NALCN: variants seen among roughly 807,000 people sequenced by gnomAD.
The protein encoded by NALCN is sodium leak channel, non-selective, also known as sodium leak channel NALCN.
Under a neutral mutation model 225.3 loss-of-function variants are expected in NALCN, and 111 were observed. That is an observed-to-expected ratio of 0.49 (90% CI 0.42 to 0.58). The LOEUF is 0.58. NALCN is among the 20% of genes least tolerant of loss of function. NALCN has a pLI of 0.00. For synonymous variants in NALCN, 764 were observed against 769.0 expected, an observed-to-expected ratio of 0.99 and a Z score of 0.11; for missense variants, 1,378 against 2,202.4, an observed-to-expected ratio of 0.63 and a Z score of 7.49.
At chr13:101,401,706 A>C (rs966249065) in intron 1 of NALCN, among the ~76,000 whole-genome samples, 2 of 152,204 alleles carry the variant, frequency 1.3e-5, no homozygotes, top group African/African-American at 4.8e-5. Flanking sequence ...ACTGAATGAC[A>C]TTAGCTGTCA....
chr13:101,104,763 C>A lies in NALCN; in HGVS notation c.2637-113G>T, dbSNP rs2035010195. ...AACATGACTGGTATTTTAAAAACAT[C>A]ATTCCCCAATCATCTATTTCATAGC... On this transcript the variant is annotated intron_variant, in intron 23 of 43. Transcript: ENST00000251127. The surrounding 1 kb of genome is among the most constrained non-coding windows in gnomAD (Gnocchi z 4.2). The A allele has an allele frequency of 9.7e-6, 15 of 1,553,332 alleles. No individual in the cohort carries two copies. Among genetic ancestry groups the A allele is most frequent in the Non-Finnish European group, 1.2e-5 (14 of 1,136,154 alleles).
intron 13 of NALCN, among the ~76,000 whole-genome samples, chr13:101,226,258 C>A (rs780613513): frequency 5.9e-5 from 9 of 152,108 alleles, no homozygotes; most frequent in Non-Finnish European, 1.3e-4. Context: ...TCCCCTCCAA[C>A]CAGACATCCC....
At chr13:101,062,193 A>AGAG in intron 40 of NALCN, 75 bp from the exon 41 acceptor site, 2 of 1,521,384 alleles carry the variant, frequency 1.3e-6, no homozygotes, top group Admixed American at 1.9e-5. Context: ...GTCAAAATCC[A>AGAG]GAGAGGACAT....
At chr13:101,387,995 C>T (rs1250343752) in intron 3 of NALCN, among the ~76,000 whole-genome samples, 1 of 152,000 alleles carries the variant, frequency 6.6e-6, no homozygotes, top group Non-Finnish European at 1.5e-5. Flanking sequence ...ATATCAAGCC[C>T]AATATACTCT....
intron 7 of NALCN, among the ~76,000 whole-genome samples, chr13:101,319,678 C>T (rs1188492895): frequency 1.3e-5 from 2 of 152,074 alleles, no homozygotes; most frequent in East Asian, 3.9e-4. Context: ...TTTAAATCAA[C>T]AAGTCATGTA....
chr13:101,292,003 G>A lies in NALCN; in HGVS notation c.1034C>T (p.Thr345Ile). 1.2e-6 allele frequency: 2 copies of A among 1,614,008 alleles called. No individual in the cohort carries two copies. Among genetic ancestry groups the A allele is most frequent in the Non-Finnish European group, 1.7e-6 (2 of 1,179,974 alleles). The change falls in exon 9 of 44, where the codon ACA becomes ATA. Residue 345 changes from threonine to isoleucine, a missense_variant. By Grantham distance (89) the Thr-to-Ile change is moderately conservative (BLOSUM62 -1). Transcript: ENST00000251127. The surrounding 1 kb of genome is among the most constrained non-coding windows in gnomAD (Gnocchi z 4.3). Reference protein sequence around the residue: ...MWGSRSSTTSTATTQMFHEDA... With the variant: ...MWGSRSSTTSIATTQMFHEDA... The stretch of plus-strand genomic sequence containing the variant: ...CTGATAGCGTACCTGGGTGGTGGCT[G>A]TTGAGGTAGTGCTGCTTCTCGATCC...
At chr13:101,147,160 C>T (rs1302527533) in intron 15 of NALCN, among the ~76,000 whole-genome samples, 2 of 152,150 alleles carry the variant, frequency 1.3e-5, no homozygotes, top group Admixed American at 1.3e-4. Context: ...GCCTCTAGGC[C>T]TGCCCACTGC....
chr13:101,059,670 T>G, intron 42 of NALCN, 148 bp downstream of exon 42: 2 of 704,064 alleles, frequency 2.8e-6, no homozygotes, highest in Non-Finnish European at 4.3e-6. Flanking sequence ...TGGATTTCCG[T>G]TGCCTTTTTT....
chr13:101,162,738 T>C (rs1417134439), intron 15 of NALCN, among the ~76,000 whole-genome samples: 1 of 152,228 alleles, frequency 6.6e-6, no homozygotes, highest in Non-Finnish European at 1.5e-5. Context: ...TTTTCAATGG[T>C]ACAGTGCAGT....
rs1566650625 is a variant in NALCN, at chr13:101,397,068, A to ATT, written c.109-1704_109-1703insAA. Among the ~76,000 whole-genome samples, 24 of 26,786 alleles carry ATT rather than the reference A, an allele frequency of 9.0e-4. No homozygotes were observed. In the South Asian group the frequency reaches 0.024, roughly 27 times the overall value. 17.6% of individuals were successfully genotyped at this position (26,786 alleles called of 152,430 possible). A position where few individuals can be genotyped will look rare whatever the true frequency, so the allele number is the denominator to read the frequency against. ...GAAGTAAAACACCTATGAATGTATTATATATATATATATATATATATATAT... is the reference window on the plus strand; with the variant it reads ...GAAGTAAAACACCTATGAATGTATTATTTATATATATATATATATATATATAT... On this transcript the variant is annotated intron_variant, in intron 2 of 43. Transcript: ENST00000251127.
chr13:101,195,476 C>T (rs1000480737), intron 13 of NALCN, among the ~76,000 whole-genome samples: 9 of 152,144 alleles, frequency 5.9e-5, no homozygotes, highest in African/African-American at 1.4e-4. Context: ...CATAAATTTA[C>T]CCATGGTTTT....
At chr13:101,110,521 G>A in intron 20 of NALCN, 98 bp downstream of exon 20, 1 of 1,280,512 alleles carries the variant, frequency 7.8e-7, no homozygotes, top group Non-Finnish European at 1.1e-6. Context: ...AGGAGACATG[G>A]GAATGCAGCA....
intron 12 of NALCN, among the ~76,000 whole-genome samples, chr13:101,231,951 T>C (rs181558025): frequency 6.6e-6 from 1 of 151,794 alleles, no homozygotes; most frequent in Admixed American, 6.6e-5. Context: ...ATCTGAGTCA[T>C]CCTCAGGGCT....
chr13:101,134,073 G>A (rs1239245399), intron 17 of NALCN, among the ~76,000 whole-genome samples: 1 of 152,166 alleles, frequency 6.6e-6, no homozygotes, highest in African/African-American at 2.4e-5. Flanking sequence ...GGGAGGCTGA[G>A]GCAGGAGAAT....
chr13:101,391,605 C>T (rs1474518201), intron 3 of NALCN, among the ~76,000 whole-genome samples: 1 of 151,862 alleles, frequency 6.6e-6, no homozygotes, highest in Non-Finnish European at 1.5e-5. Flanking sequence ...ATCTCTTGAT[C>T]CCAAGAGCTG....
chr13:101,265,786 C>A (rs951761427), intron 10 of NALCN, among the ~76,000 whole-genome samples: 1 of 152,100 alleles, frequency 6.6e-6, no homozygotes, highest in African/African-American at 2.4e-5. Context: ...ACATCTTAGA[C>A]ATTGTGAGCC....
At chr13:101,402,928 T>C (rs1566657294) in intron 1 of NALCN, among the ~76,000 whole-genome samples, 2 of 152,222 alleles carry the variant, frequency 1.3e-5, no homozygotes, top group African/African-American at 4.8e-5. Context: ...CAGCAGTGGA[T>C]TGTTTTCTTG....
At chr13:101,313,883 T>A (rs1235638111) in intron 7 of NALCN, among the ~76,000 whole-genome samples, 4 of 152,048 alleles carry the variant, frequency 2.6e-5, no homozygotes, top group African/African-American at 9.7e-5. Flanking sequence ...GTGGCACTAT[T>A]CACAATAGCA....
intron 17 of NALCN, among the ~76,000 whole-genome samples, chr13:101,133,474 G>A (rs956830892): frequency 1.6e-4 from 24 of 152,170 alleles, no homozygotes; most frequent in Non-Finnish European, 2.8e-4. Context: ...CTAGAAAGTT[G>A]TAGTGTAATT....
Sources: allele counts gnomAD v4.1 joint callset (sites outside exome capture counted in the v4.1 genomes callset), GRCh38; gene constraint gnomAD v4.1.1; non-coding constraint Gnocchi (gnomAD v3.1); transcripts MANE v1.5; gene names NCBI Gene and HGNC (gene_info 2026-07-23, HGNC 2026-07-21).